Variants in SRP54 observed in about 807,000 individuals in gnomAD.
SRP54 encodes the protein signal recognition particle subunit SRP54.
Under a neutral mutation model 64.8 loss-of-function variants are expected in SRP54, and 10 were observed. The observed-to-expected ratio is 0.15, with a 90% CI of 0.10 to 0.26. The LOEUF (loss-of-function observed/expected upper bound fraction) is 0.26. SRP54 is among the 10% of genes least tolerant of loss of function. The pLI is 1.00. For missense variants in SRP54, 325 were observed against 613.7 expected, an observed-to-expected ratio of 0.53 and a Z score of 4.97; for synonymous variants, 193 against 185.6, an observed-to-expected ratio of 1.04 and a Z score of -0.32.
chr14:35,001,046 T>TGATTCTA, intron 4 of SRP54, 26 bp downstream of exon 4: 1 of 1,305,354 alleles, frequency 7.7e-7, no homozygotes, highest in Non-Finnish European at 1.1e-6. Flanking sequence ...GATTATGCTG[T>TGATTCTA]GATTCTATAC....
intron 2 of SRP54, among the ~76,000 whole-genome samples, chr14:34,997,477 C>T (rs2044088987): frequency 6.6e-6 from 1 of 152,148 alleles, no homozygotes; most frequent in African/African-American, 2.4e-5. Context: ...TGGTTAGTCC[C>T]ACTGTAGCTA....
intron 1 of SRP54, among the ~76,000 whole-genome samples, 194 bp from the exon 2 acceptor site, chr14:34,996,483 C>T (rs2044074930): frequency 6.6e-6 from 1 of 152,048 alleles, no homozygotes; most frequent in Non-Finnish European, 1.5e-5. Flanking sequence ...ATTAAGTATT[C>T]AAATATAAGG....
chr14:35,012,699 T>G (rs893150180), intron 8 of SRP54, among the ~76,000 whole-genome samples: 2 of 152,150 alleles, frequency 1.3e-5, no homozygotes, highest in Non-Finnish European at 2.9e-5. Context: ...CTTCCCTGAC[T>G]ACCTTACTAG....
At chr14:35,022,885 TGA>T (rs1277265337) in intron 13 of SRP54, 23 bp from the exon 14 acceptor site, 1 of 1,563,398 alleles carries the variant, frequency 6.4e-7, no homozygotes, top group South Asian at 1.2e-5. Context: ...TAATTGTGTG[TGA>T]GAGTAACTGA....
chr14:35,018,803 T>G (rs988550765), intron 12 of SRP54, 38 bp downstream of exon 12: 1 of 1,567,334 alleles, frequency 6.4e-7, no homozygotes, highest in Non-Finnish European at 8.7e-7. Flanking sequence ...TCTTTTGTTT[T>G]CATTAAATTT....
chr14:35,029,028 G>A (rs1251981615), intron 15 of SRP54, 33 bp from the exon 16 acceptor site: 1 of 1,555,346 alleles, frequency 6.4e-7, no homozygotes, highest in East Asian at 2.3e-5. Flanking sequence ...ATAATTCTCT[G>A]TTTTTAACTC....
At position 35,023,511 on chromosome 14, in the gene SRP54, C is replaced by T. The variant is rs550414624; in HGVS notation, c.1327+431C>T. Among the ~76,000 whole-genome samples, 528 of 152,152 alleles carry T rather than the reference C, an allele frequency of 3.5e-3. 3 individuals are homozygous for T. Among genetic ancestry groups the T allele is most frequent in the Non-Finnish European group, 6.3e-3 (427 of 67,980 alleles). On this transcript the variant is annotated intron_variant, in intron 14 of 15. Transcript: ENST00000216774. Reference sequence around the variant, plus strand: ...TCAAAACATAATTCTTGGCCAGGCACGATGGCTCATGCCTGTCATCCTAGC... The same window carrying T: ...TCAAAACATAATTCTTGGCCAGGCATGATGGCTCATGCCTGTCATCCTAGC...
chr14:35,008,468 G>A (rs554853406), intron 5 of SRP54, among the ~76,000 whole-genome samples, 159 bp from the exon 6 acceptor site: 31 of 152,134 alleles, frequency 2.0e-4, no homozygotes, highest in African/African-American at 7.5e-4. Context: ...AACTTTGTAG[G>A]AAATTTGCCA....
At chr14:34,987,783 T>G in intron 1 of SRP54, among the ~76,000 whole-genome samples, 1 of 152,222 alleles carries the variant, frequency 6.6e-6, no homozygotes, top group Non-Finnish European at 1.5e-5. Flanking sequence ...AAGATTTTGA[T>G]TTACAATTCC....
chr14:34,986,617 C>T (rs10146407), intron 1 of SRP54, among the ~76,000 whole-genome samples: 25,978 of 152,130 alleles, frequency 0.17, 2,385 homozygotes, highest in East Asian at 0.31. Context: ...TGGTGGCTCA[C>T]GCCTGTAATC....
chr14:34,995,451 GCAGT>G (rs1182472028), intron 1 of SRP54, among the ~76,000 whole-genome samples: 3 of 152,038 alleles, frequency 2.0e-5, no homozygotes, highest in Admixed American at 6.6e-5. Context: ...GTCCCTGTTA[GCAGT>G]CAGACAGGAG....
intron 2 of SRP54, among the ~76,000 whole-genome samples, chr14:34,998,094 G>T (rs1322229463): frequency 6.6e-6 from 1 of 152,112 alleles, no homozygotes; most frequent in East Asian, 1.9e-4. Flanking sequence ...AATTTTAGCA[G>T]ACCCGTTTAA....
intron 13 of SRP54, among the ~76,000 whole-genome samples, chr14:35,020,885 C>T (rs778386513): frequency 1.3e-5 from 2 of 152,168 alleles, no homozygotes; most frequent in Admixed American, 6.6e-5. Flanking sequence ...GTAATTTGCC[C>T]AGTATAGAAC....
At chr14:35,015,971 A>G (rs914835163) in intron 11 of SRP54, among the ~76,000 whole-genome samples, 3 of 152,232 alleles carry the variant, frequency 2.0e-5, no homozygotes, top group African/African-American at 7.2e-5. Context: ...TGTCTTATCA[A>G]TGAATATTAA....
intron 7 of SRP54, among the ~76,000 whole-genome samples, chr14:35,009,340 G>A (rs997642449): frequency 2.7e-5 from 3 of 112,202 alleles, no homozygotes; most frequent in African/African-American, 9.0e-5. Flanking sequence ...GCCACTGTAT[G>A]CAGCCACACA....
intron 14 of SRP54, among the ~76,000 whole-genome samples, chr14:35,026,560 T>G (rs2044629335): frequency 6.6e-6 from 1 of 152,174 alleles, no homozygotes; most frequent in African/African-American, 2.4e-5. Flanking sequence ...ACTGCCCTTT[T>G]TACTATGGTG....
intron 1 of SRP54, among the ~76,000 whole-genome samples, chr14:34,987,244 A>T (rs2383690): frequency 0.32 from 33,500 of 106,214 alleles, 5,037 homozygotes; most frequent in Middle Eastern, 0.4. Context: ...AAAAAAAAAA[A>T]AAATATATAT....
chr14:35,019,050 A>G lies in SRP54; in HGVS notation c.1132A>G (p.Ile378Val). 6.2e-7 allele frequency: 1 copy of G among 1,612,984 alleles called. No individual in the cohort carries two copies. Among genetic ancestry groups the G allele is most frequent in the Non-Finnish European group, 8.5e-7 (1 of 1,179,134 alleles). ...GGCAAGGCTAAAGAAATTAATGACAATAATGGATAGTATGAATGATCAAGG... is the reference window on the plus strand; with the variant it reads ...GGCAAGGCTAAAGAAATTAATGACAGTAATGGATAGTATGAATGATCAAGG... ...SMARLKKLMT[I>V]MDSMNDQELD... Residue 378 changes from isoleucine (I) to valine (V), a missense_variant, in exon 13 of 16, where the codon ATA becomes GTA. Physicochemically the swap from Ile to Val is conservative, Grantham distance 29 (BLOSUM62 3). Around this residue, in one of 3 missense-constraint regions of SRP54, gnomAD observed 146 missense variants for 337.4 expected, o/e 0.43. Transcript: ENST00000216774.
chr14:34,993,769 C>T (rs1001458099), intron 1 of SRP54, among the ~76,000 whole-genome samples: 1 of 152,182 alleles, frequency 6.6e-6, no homozygotes, highest in Admixed American at 6.5e-5. Flanking sequence ...ATCTCCAGCT[C>T]ACCGCAATCT....
Sources: allele counts gnomAD v4.1 joint callset (sites outside exome capture counted in the v4.1 genomes callset), GRCh38; gene constraint gnomAD v4.1.1; regional missense constraint gnomAD v4.1.1; transcripts MANE v1.5; gene names NCBI Gene and HGNC (gene_info 2026-07-23, HGNC 2026-07-21).